Variants in RALGAPA1 observed in about 807,000 individuals in gnomAD.
RALGAPA1 encodes ral GTPase-activating protein subunit alpha-1.
RALGAPA1 carries 52 observed loss-of-function variants against 269.6 expected under a neutral mutation model. The observed-to-expected ratio is 0.19, with a 90% confidence interval of 0.15 to 0.24. RALGAPA1 has a LOEUF of 0.24. Among genes scored for constraint, RALGAPA1 ranks in the 10% least tolerant of loss-of-function variants. The pLI, the probability that RALGAPA1 is intolerant of heterozygous loss-of-function variation, is 1.00. For missense variants in RALGAPA1, 1,917 were observed against 3,013.9 expected, an observed-to-expected ratio of 0.64 and a Z score of 8.52; for synonymous variants, 817 against 1,008.3, an observed-to-expected ratio of 0.81 and a Z score of 3.60.
intron 41 of RALGAPA1, 102 bp from the exon 42 acceptor site, chr14:35,539,792 T>C (rs1447308769): frequency 1.3e-6 from 2 of 1,507,750 alleles, no homozygotes; most frequent in Admixed American, 2.2e-5. Context: ...CATCCCTTAA[T>C]AAGATCTTTC....
At chr14:35,668,666 A>G (rs1182129990) in intron 26 of RALGAPA1, among the ~76,000 whole-genome samples, 4 of 151,600 alleles carry the variant, frequency 2.6e-5, no homozygotes, top group Admixed American at 2.0e-4. Flanking sequence ...GGTGCCTGGG[A>G]CTCTAGGTGT....
chr14:35,727,299 G>GA (rs1167415086), intron 13 of RALGAPA1, among the ~76,000 whole-genome samples: 1 of 111,842 alleles, frequency 8.9e-6, no homozygotes, highest in African/African-American at 3.5e-5. Context: ...GACTGGTTAA[G>GA]AAAATTATGG....
At chr14:35,555,030 C>T (rs2139195335) in intron 39 of RALGAPA1, among the ~76,000 whole-genome samples, 1 of 152,276 alleles carries the variant, frequency 6.6e-6, no homozygotes, top group East Asian at 1.9e-4. Context: ...ATAGTTGGAA[C>T]TTTCCTAGAA....
intron 28 of RALGAPA1, 65 bp from the exon 29 acceptor site, chr14:35,655,980 A>C: frequency 6.2e-7 from 1 of 1,607,142 alleles, no homozygotes; most frequent in Non-Finnish European, 8.5e-7. Flanking sequence ...ATGACCCACA[A>C]TCAACTGACA....
rs201919613 is a variant in RALGAPA1, at chr14:35,723,281, C to A, written c.1867-17G>T. The A allele has an allele frequency of 1.7e-5, 23 of 1,377,998 alleles. No individual in the cohort carries two copies. The highest frequency in any genetic ancestry group is 2.2e-5 in the Non-Finnish European group (22 of 984,386). The allele number at this position is 1,377,998 out of a possible 1,614,324, so 85.4% of individuals were successfully genotyped here. ...TATAAGGGTCTATAAAGACAAATAT[C>A]AGAAATAACAATAAAATGTGTTTAG... On this transcript the variant is annotated splice_polypyrimidine_tract_variant and intron_variant, in intron 14 of 41. Transcript: ENST00000680220.
At position 35,539,454 on chromosome 14, in the gene RALGAPA1, G is replaced by A; in HGVS notation, c.*260C>T. 2.3e-6 allele frequency: 3 copies of A among 1,319,420 alleles called. No individual in the cohort carries two copies. Among genetic ancestry groups the A allele is most frequent in the South Asian group, 2.2e-5 (1 of 45,520 alleles). 81.7% of individuals were successfully genotyped at this position (1,319,420 alleles called of 1,614,324 possible). On this transcript the variant is annotated 3_prime_UTR_variant, in exon 42 of 42. Coordinates refer to ENST00000680220, the MANE Select transcript of RALGAPA1 (RefSeq NM_001346249.2). ...TAAATGTACAGGAAGAAACATGCAT[G>A]TTATGGCAGACATGAAGGCCTGAAA... is the stretch of plus-strand genomic sequence containing the variant.
At chr14:35,623,527 G>A (rs148262152) in intron 35 of RALGAPA1, among the ~76,000 whole-genome samples, 46 of 152,264 alleles carry the variant, frequency 3.0e-4, no homozygotes, top group African/African-American at 1.1e-3. Flanking sequence ...GAGGTACCAT[G>A]ATCTGCTTCT....
chr14:35,583,525 A>G (rs963849402), intron 37 of RALGAPA1, among the ~76,000 whole-genome samples: 3 of 152,220 alleles, frequency 2.0e-5, no homozygotes, highest in African/African-American at 7.2e-5. Flanking sequence ...AAAGAGAAAA[A>G]GGAACAGAAG....
chr14:35,612,284 T>C (rs1215843855), intron 35 of RALGAPA1, among the ~76,000 whole-genome samples: 3 of 148,738 alleles, frequency 2.0e-5, no homozygotes, highest in African/African-American at 7.5e-5. Flanking sequence ...TGCAGGAAGA[T>C]CACTTGAGCC....
At chr14:35,603,287 C>CT (rs35745750) in intron 36 of RALGAPA1, among the ~76,000 whole-genome samples, 1 of 152,068 alleles carries the variant, frequency 6.6e-6, no homozygotes, top group Non-Finnish European at 1.5e-5. Flanking sequence ...TGGTATTTTA[C>CT]TTTTTTTAAC....
rs1051472155 is a variant in RALGAPA1, at chr14:35,575,550, T to A, written c.7210-2832A>T. On this transcript the variant is annotated intron_variant, in intron 37 of 41. Transcript: ENST00000680220. ...AGTAGACATCCTGCCTCGGCTTGAA[T>A]ACTTCTAAGGTTGGGGATTTTATGA... Among the ~76,000 whole-genome samples, 18 of 152,194 alleles carry A rather than the reference T, an allele frequency of 1.2e-4. 1 individual carries two copies. Among genetic ancestry groups the A allele is most frequent in the Non-Finnish European group, 2.9e-5 (2 of 68,038 alleles).
At chr14:35,624,867 A>G (rs2060891155) in intron 35 of RALGAPA1, among the ~76,000 whole-genome samples, 1 of 152,164 alleles carries the variant, frequency 6.6e-6, no homozygotes, top group Admixed American at 6.5e-5. Context: ...GTTTTCTGTG[A>G]TTCAAAAGAT....
chr14:35,695,299 A>C (rs1447789145), intron 17 of RALGAPA1, among the ~76,000 whole-genome samples: 1 of 152,068 alleles, frequency 6.6e-6, no homozygotes, highest in Non-Finnish European at 1.5e-5. Flanking sequence ...AATATGTAAA[A>C]TATTAATATC....
At chr14:35,808,465 G>A (rs927435841) in intron 1 of RALGAPA1, among the ~76,000 whole-genome samples, 1 of 152,202 alleles carries the variant, frequency 6.6e-6, no homozygotes, top group Non-Finnish European at 1.5e-5. Context: ...AAGTCTTAAA[G>A]ATCTAAGTTT....
intron 33 of RALGAPA1, among the ~76,000 whole-genome samples, chr14:35,633,187 C>T (rs1377804007): frequency 6.6e-6 from 1 of 152,104 alleles, no homozygotes; most frequent in African/African-American, 2.4e-5. Flanking sequence ...GTTCAAGAAA[C>T]ATACTATATT....
intron 36 of RALGAPA1, among the ~76,000 whole-genome samples, chr14:35,596,667 T>C (rs569072096): frequency 6.6e-6 from 1 of 152,248 alleles, no homozygotes; most frequent in East Asian, 1.9e-4. Flanking sequence ...TACTGTAAGA[T>C]TACCTCAATC....
intron 38 of RALGAPA1, among the ~76,000 whole-genome samples, chr14:35,571,666 C>A (rs1018884326): frequency 6.6e-6 from 1 of 152,020 alleles, no homozygotes; most frequent in Admixed American, 6.6e-5. Flanking sequence ...AGAGCGAGAG[C>A]CAGACTCCGT....
intron 9 of RALGAPA1, among the ~76,000 whole-genome samples, chr14:35,749,135 A>G (rs138835232): frequency 1.1e-4 from 16 of 152,312 alleles, no homozygotes; most frequent in Middle Eastern, 3.4e-3. Context: ...AGCTGGGTGG[A>G]TGAATAATGG....
chr14:35,718,798 C>T (rs1021720980), intron 16 of RALGAPA1, among the ~76,000 whole-genome samples: 1 of 151,480 alleles, frequency 6.6e-6, no homozygotes, highest in South Asian at 2.1e-4. Context: ...GAGCAAGACT[C>T]CATCTCAAAA....
Sources: gnomAD v4.1 joint callset for allele counts (sites outside exome capture counted in the v4.1 genomes callset) on GRCh38, gnomAD v4.1.1 for gene constraint, MANE v1.5 for transcripts, NCBI Gene and HGNC (gene_info 2026-07-23, HGNC 2026-07-21) for gene names.